Variants in GSK3B observed in about 807,000 individuals in gnomAD.
GSK3B encodes glycogen synthase kinase-3 beta.
In GSK3B, 15 loss-of-function variants were observed where a neutral mutation model predicts 56.4. That is an observed-to-expected ratio of 0.27 (90% confidence interval 0.18 to 0.41). The LOEUF (loss-of-function observed/expected upper bound fraction) is 0.41. Among genes scored for constraint, GSK3B ranks in the 10% least tolerant of loss-of-function variants. The pLI is 1.00. For synonymous variants in GSK3B, 181 were observed against 188.9 expected (o/e 0.96, Z 0.34); for missense variants, 300 against 513.4 (o/e 0.58, Z 4.02).
Position 119,981,603 on chromosome 3 carries a change from G to A in GSK3B, c.282+20443C>T, listed in dbSNP as rs373040344. ...AGCCTTGCTCACTGCTAGCGCAGTAGTCTGAGATCGATCTGTCAGGCGGCA... is the reference window on the plus strand; with the variant it reads ...AGCCTTGCTCACTGCTAGCGCAGTAATCTGAGATCGATCTGTCAGGCGGCA... On this transcript the variant is annotated intron_variant, in intron 2 of 10. Transcript: ENST00000264235. Among the ~76,000 whole-genome samples the A allele has an allele frequency of 1.1e-4, 17 of 152,380 alleles. 1 individual carries two copies. The East Asian group carries it at 2.5e-3, about 23-fold the overall frequency.
At chr3:120,064,303 T>A (rs1039516781) in intron 1 of GSK3B, among the ~76,000 whole-genome samples, 1 of 151,704 alleles carries the variant, frequency 6.6e-6, no homozygotes, top group Non-Finnish European at 1.5e-5. Flanking sequence ...TTAAAAAAAT[T>A]CCAAAATTTA....
chr3:119,975,319 C>T (rs952157618), intron 2 of GSK3B, among the ~76,000 whole-genome samples: 2 of 151,998 alleles, frequency 1.3e-5, no homozygotes, highest in African/African-American at 2.4e-5. Context: ...TGGTGGTACA[C>T]GCCTGTAATC....
intron 1 of GSK3B, among the ~76,000 whole-genome samples, chr3:120,018,356 G>A (rs937193221): frequency 2.0e-5 from 3 of 152,064 alleles, no homozygotes; most frequent in African/African-American, 7.2e-5. Context: ...TCTACATACG[G>A]TGGTTCCATA....
intron 1 of GSK3B, among the ~76,000 whole-genome samples, chr3:120,008,907 G>A (rs1307043474): frequency 3.3e-5 from 5 of 151,166 alleles, no homozygotes; most frequent in African/African-American, 1.2e-4. Flanking sequence ...GAAACAGAAT[G>A]GGAGAAAAAT....
At chr3:120,001,746 TG>T (rs2057679129) in intron 2 of GSK3B, among the ~76,000 whole-genome samples, 1 of 152,180 alleles carries the variant, frequency 6.6e-6, no homozygotes, top group South Asian at 2.1e-4. Context: ...AGTACAACGG[TG>T]AGGACAGGTC....
chr3:119,904,844 C>A (rs1318359457), intron 7 of GSK3B, among the ~76,000 whole-genome samples: 1 of 151,896 alleles, frequency 6.6e-6, no homozygotes, highest in Non-Finnish European at 1.5e-5. Context: ...TTTTACAATT[C>A]TATGCAAAAT....
chr3:119,826,073 C>G lies in GSK3B; in HGVS notation c.*715G>C, dbSNP rs1379121009. The G allele has an allele frequency of 4.5e-6, 1 of 224,082 alleles. No individual in the cohort carries two copies. The highest frequency in any genetic ancestry group is 8.9e-6 in the Non-Finnish European group (1 of 112,644). 13.9% of individuals were successfully genotyped at this position (224,082 alleles called of 1,614,324 possible). ...GCCTGAGTCTTGCTTGCTGCTTCCC[C>G]TCTGGCAGCCTCCTGTACAAGCCTC... On this transcript the variant is annotated 3_prime_UTR_variant, in exon 11 of 11. Transcript: ENST00000264235.
chr3:120,027,125 A>G (rs931500043), intron 1 of GSK3B, among the ~76,000 whole-genome samples: 1 of 151,544 alleles, frequency 6.6e-6, no homozygotes, highest in Non-Finnish European at 1.5e-5. Flanking sequence ...CTGTGATCCC[A>G]GCACTTTGGG....
intron 10 of GSK3B, among the ~76,000 whole-genome samples, chr3:119,832,481 T>C (rs2055617964): frequency 1.3e-5 from 2 of 152,222 alleles, no homozygotes; most frequent in South Asian, 2.1e-4. Context: ...TAAACTAATA[T>C]GCAGAAATAG....
chr3:119,912,523 C>T (rs1337787601), intron 6 of GSK3B, among the ~76,000 whole-genome samples, 181 bp downstream of exon 6: 1 of 151,502 alleles, frequency 6.6e-6, no homozygotes, highest in East Asian at 1.9e-4. Flanking sequence ...AAAGCAGTGC[C>T]TGGAAAGTAT....
At chr3:120,030,305 T>C (rs1474615157) in intron 1 of GSK3B, among the ~76,000 whole-genome samples, 1 of 152,178 alleles carries the variant, frequency 6.6e-6, no homozygotes, top group African/African-American at 2.4e-5. Context: ...TTTAAATACA[T>C]GGTATTTATC....
Position 119,923,484 on chromosome 3 carries a change from C to A in GSK3B, c.367-1G>T. On this transcript the variant is annotated splice_acceptor_variant, in intron 3 of 10. Transcript: ENST00000264235. LOFTEE classifies it high-confidence loss of function. ...CCAGATTAAGATAGACCTCATCTTT[C>A]TGAAAGAGTTTATTTAAAAAAACAA... 6.8e-7 allele frequency: 1 copy of A among 1,479,034 alleles called. No individual in the cohort carries two copies. Among genetic ancestry groups the A allele is most frequent in the South Asian group, 1.3e-5 (1 of 79,708 alleles). The allele number at this position is 1,479,034 out of a possible 1,614,324, so 91.6% of individuals were successfully genotyped here. A position where few individuals can be genotyped will look rare whatever the true frequency, so the allele number is the denominator to read the frequency against.
At chr3:120,084,268 C>A (rs1169838582) in intron 1 of GSK3B, among the ~76,000 whole-genome samples, 2 of 151,888 alleles carry the variant, frequency 1.3e-5, no homozygotes, top group Non-Finnish European at 2.9e-5. Context: ...ATAATTATAT[C>A]AGTATGAAAG....
chr3:120,067,490 G>A (rs1464424973), intron 1 of GSK3B, among the ~76,000 whole-genome samples: 1 of 151,974 alleles, frequency 6.6e-6, no homozygotes, highest in Non-Finnish European at 1.5e-5. Context: ...ACAAAGCCCT[G>A]ACATAAAACT....
intron 1 of GSK3B, among the ~76,000 whole-genome samples, chr3:120,064,221 AC>A (rs1344830103): frequency 6.6e-6 from 1 of 151,782 alleles, no homozygotes; most frequent in Non-Finnish European, 1.5e-5. Flanking sequence ...AAACCTTATA[AC>A]CCTAAACCCT....
At chr3:119,947,379 T>C (rs753022947) in intron 2 of GSK3B, 28 bp from the exon 3 acceptor site, 1 of 1,345,286 alleles carries the variant, frequency 7.4e-7, no homozygotes, top group Non-Finnish European at 1.1e-6. Flanking sequence ...AAAAATATAT[T>C]TTTAAAGGAT....
chr3:119,968,543 A>G (rs1383124327), intron 2 of GSK3B, among the ~76,000 whole-genome samples: 1 of 152,248 alleles, frequency 6.6e-6, no homozygotes, highest in African/African-American at 2.4e-5. Context: ...CTAAGGAAGA[A>G]AAACAAACTG....
chr3:119,859,941 A>T (rs1719889), intron 9 of GSK3B, among the ~76,000 whole-genome samples: 108,130 of 152,084 alleles, frequency 0.71, 40,334 homozygotes, highest in East Asian at 0.9. Context: ...CCATTCTCAC[A>T]TAATCTAGCC....
At chr3:119,898,156 C>G (rs889011321) in intron 7 of GSK3B, among the ~76,000 whole-genome samples, 2 of 152,156 alleles carry the variant, frequency 1.3e-5, no homozygotes, top group African/African-American at 2.4e-5. Flanking sequence ...TAATCAAACA[C>G]AAAGACTATT....
Sources: allele counts gnomAD v4.1 joint callset (sites outside exome capture counted in the v4.1 genomes callset), GRCh38; gene constraint gnomAD v4.1.1; transcripts MANE v1.5; gene names NCBI Gene and HGNC (gene_info 2026-07-23, HGNC 2026-07-21).